The following DPYSL2 variants were observed in gnomAD, a reference collection of about 807,000 sequenced individuals.
DPYSL2 encodes dihydropyrimidinase like 2.
Under a neutral mutation model 69.9 loss-of-function variants are expected in DPYSL2, and 13 were observed. The ratio of observed to expected loss-of-function variants is 0.19; its 90% CI spans 0.12 to 0.30. The LOEUF is 0.30. DPYSL2 is among the 10% of genes least tolerant of loss of function. The pLI is 1.00. For synonymous variants in DPYSL2, 326 were observed against 359.1 expected, an observed-to-expected ratio of 0.91 and a Z score of 1.04; for missense variants, 587 against 918.9, an observed-to-expected ratio of 0.64 and a Z score of 4.67.
intron 3 of DPYSL2, among the ~76,000 whole-genome samples, chr8:26,594,298 C>G (rs866374217): frequency 6.6e-6 from 1 of 152,158 alleles, no homozygotes; most frequent in Non-Finnish European, 1.5e-5. Flanking sequence ...CCCTCTCTCT[C>G]TCTCTCACAC....
chr8:26,548,337 C>T (rs1050362919), intron 1 of DPYSL2: 25 of 241,934 alleles, frequency 1.0e-4, no homozygotes, highest in Non-Finnish European at 1.5e-4. Context: ...TGAGCTTTAT[C>T]ATAATTTCAG....
chr8:26,594,805 A>G (rs890824444), intron 3 of DPYSL2, among the ~76,000 whole-genome samples: 1 of 152,236 alleles, frequency 6.6e-6, no homozygotes, highest in Non-Finnish European at 1.5e-5. Context: ...ATCAGGAAGA[A>G]GTCTCAAGGA....
chr8:26,543,160 C>A (rs1800712150), intron 1 of DPYSL2, among the ~76,000 whole-genome samples: 1 of 152,130 alleles, frequency 6.6e-6, no homozygotes, highest in Non-Finnish European at 1.5e-5. Context: ...CAACAGAGTA[C>A]ACCAAGTATA....
chr8:26,613,958 C>T (rs934264444), intron 3 of DPYSL2, among the ~76,000 whole-genome samples: 8 of 152,126 alleles, frequency 5.3e-5, no homozygotes, highest in African/African-American at 1.7e-4. Context: ...ATGGGAGACA[C>T]TTTCTCTACA....
At position 26,533,019 on chromosome 8, in the gene DPYSL2, C is replaced by T. The variant is rs775595415; in HGVS notation, c.354+18340C>T. Among the ~76,000 whole-genome samples the T allele has an allele frequency of 9.9e-5, 15 of 152,188 alleles. No individual in the cohort carries two copies. The highest frequency in any genetic ancestry group is 2.1e-4 in the South Asian group (1 of 4,832). On this transcript the variant is annotated intron_variant, in intron 1 of 13. Transcript: ENST00000521913. The surrounding 1 kb of genome is among the most constrained non-coding windows in gnomAD (Gnocchi z 4.8). ...GGTTAGTGTATGAGGTTTCCAACTT[C>T]GCCGCATCCTTGTCTACACTTGTTA...
intron 1 of DPYSL2, among the ~76,000 whole-genome samples, chr8:26,579,391 G>C (rs988126547): frequency 1.1e-4 from 16 of 152,218 alleles, no homozygotes; most frequent in South Asian, 4.1e-4. Context: ...TCCCAGGGAG[G>C]GGGGAACACC....
At chr8:26,651,486 G>T (rs568853037) in intron 11 of DPYSL2, among the ~76,000 whole-genome samples, 1 of 152,314 alleles carries the variant, frequency 6.6e-6, no homozygotes, top group East Asian at 1.9e-4. Flanking sequence ...AACCAAACAG[G>T]CAGGAAGAAG....
intron 1 of DPYSL2, among the ~76,000 whole-genome samples, chr8:26,552,660 A>G (rs1800889155): frequency 6.6e-6 from 1 of 152,202 alleles, no homozygotes; most frequent in Non-Finnish European, 1.5e-5. Context: ...GCAGGGCATC[A>G]CATGTGAGAG....
In DPYSL2 at chr8:26,614,854, A is replaced by G. The variant is rs1044064954; in HGVS notation, c.629-9289A>G. On this transcript the variant is annotated intron_variant, in intron 3 of 13. Transcript: ENST00000521913. This position sits in a 1 kb window ranked among gnomAD's most constrained non-coding sequence, Gnocchi z 4.9. ...CTTAGGCTAAGGACACGGTTTTCCT[A>G]TCTGTTTATTGAATTGGGTCACTTG... is the stretch of plus-strand genomic sequence containing the variant. Among the ~76,000 whole-genome samples the G allele has an allele frequency of 3.9e-5, 6 of 152,194 alleles. No individual in the cohort carries two copies. Among genetic ancestry groups the G allele is most frequent in the Admixed American group, 3.3e-4 (5 of 15,284 alleles).
At chr8:26,559,054 G>T (rs561565900) in intron 1 of DPYSL2, among the ~76,000 whole-genome samples, 1 of 152,094 alleles carries the variant, frequency 6.6e-6, no homozygotes, top group South Asian at 2.1e-4. Context: ...GAAATTCTCT[G>T]GCCTCAGCCT....
At chr8:26,613,396 G>A (rs1316889541) in intron 3 of DPYSL2, among the ~76,000 whole-genome samples, 1 of 152,222 alleles carries the variant, frequency 6.6e-6, no homozygotes, top group African/African-American at 2.4e-5. Flanking sequence ...AGGAAGCAGT[G>A]GGCAGGGATG....
In DPYSL2 at chr8:26,639,210, G is replaced by C. The variant is rs1802987766; in HGVS notation, c.1127-4229G>C. On this transcript the variant is annotated intron_variant, in intron 8 of 13. Transcript: ENST00000521913. ...CTTAGTTAAGCTTATGCTTGATGTT[G>C]CAATCTTGAACAGAAAAGGGGGATG... 2.0e-5 allele frequency among the ~76,000 whole-genome samples: 3 copies of C among 152,164 alleles called. No individual in the cohort carries two copies. In the South Asian group the frequency reaches 6.2e-4, roughly 32 times the overall value.
chr8:26,558,169 T>C (rs1241555157), intron 1 of DPYSL2, among the ~76,000 whole-genome samples: 4 of 152,182 alleles, frequency 2.6e-5, no homozygotes, highest in Non-Finnish European at 5.9e-5. Context: ...TATTCATGAT[T>C]GCAAGAACTA....
chr8:26,529,728 ATTTTTTTT>A (rs71216757), intron 1 of DPYSL2, among the ~76,000 whole-genome samples: 6 of 135,482 alleles, frequency 4.4e-5, no homozygotes, highest in African/African-American at 1.4e-4. Context: ...TTTAACCGTA[ATTTTTTTT>A]TTTTTTTTTT....
At chr8:26,557,731 G>C (rs1351866441) in intron 1 of DPYSL2, among the ~76,000 whole-genome samples, 1 of 151,400 alleles carries the variant, frequency 6.6e-6, no homozygotes, top group Non-Finnish European at 1.5e-5. Flanking sequence ...GGAGGTTGTA[G>C]TGAGCCAAGA....
intron 1 of DPYSL2, among the ~76,000 whole-genome samples, chr8:26,540,732 C>G (rs1196244137): frequency 6.6e-6 from 1 of 152,000 alleles, no homozygotes; most frequent in Admixed American, 6.6e-5. Flanking sequence ...ATGGTGAAAT[C>G]CTTTCTCTAC....
At position 26,610,127 on chromosome 8, in the gene DPYSL2, C is replaced by T. The variant is rs543733803; in HGVS notation, c.629-14016C>T. Among the ~76,000 whole-genome samples, 6 of 152,176 alleles carry T rather than the reference C, an allele frequency of 3.9e-5. No individual in the cohort carries two copies. Among genetic ancestry groups the T allele is most frequent in the Admixed American group, 2.6e-4 (4 of 15,274 alleles). ...CAAAGCCTGCTGGAGATGTAACTGTCGTGATGTTTCGTGGGATCTGCAAGA... is the reference window on the plus strand; with the variant it reads ...CAAAGCCTGCTGGAGATGTAACTGTTGTGATGTTTCGTGGGATCTGCAAGA... On this transcript the variant is annotated intron_variant, in intron 3 of 13. Transcript: ENST00000521913. This position sits in a 1 kb window ranked among gnomAD's most constrained non-coding sequence, Gnocchi z 4.5.
intron 1 of DPYSL2, among the ~76,000 whole-genome samples, chr8:26,579,446 A>G (rs993823525): frequency 3.9e-5 from 6 of 152,254 alleles, no homozygotes; most frequent in Admixed American, 1.3e-4. Flanking sequence ...GCAACCGGCC[A>G]GCTGATTCCC....
rs907727417 is a variant in DPYSL2, at chr8:26,597,693, C to T, written c.628+13710C>T. Among the ~76,000 whole-genome samples the T allele has an allele frequency of 6.6e-6, 1 of 151,578 alleles. No homozygotes were observed. Among genetic ancestry groups the T allele is most frequent in the Non-Finnish European group, 1.5e-5 (1 of 67,998 alleles). On this transcript the variant is annotated intron_variant, in intron 3 of 13. Transcript: ENST00000521913. This position sits in a 1 kb window ranked among gnomAD's most constrained non-coding sequence, Gnocchi z 5.2. ...GTTTCACTGTTTTAGCCAGGATGGT[C>T]TCGATCTCCTGACCTTGTGATCCAC...
Sources: gnomAD v4.1 joint callset for allele counts (sites outside exome capture counted in the v4.1 genomes callset) on GRCh38, gnomAD v4.1.1 for gene constraint, Gnocchi (gnomAD v3.1) non-coding constraint, MANE v1.5 for transcripts, NCBI Gene and HGNC (gene_info 2026-07-23, HGNC 2026-07-21) for gene names.